The following CTNNBL1 variants were observed in gnomAD, a reference collection of about 807,000 sequenced individuals.
CTNNBL1 encodes the protein catenin beta like 1.
Under a neutral mutation model 72.7 loss-of-function variants are expected in CTNNBL1, and 31 were observed. The observed-to-expected ratio is 0.43, with a 90% CI of 0.32 to 0.58. The LOEUF (loss-of-function observed/expected upper bound fraction) is 0.58, where lower values mean the gene tolerates loss of function less well. CTNNBL1 is among the 20% of genes least tolerant of loss of function. The pLI, the probability that CTNNBL1 is intolerant of heterozygous loss-of-function variation, is 0.08. For missense variants in CTNNBL1, 534 were observed against 725.1 expected (o/e 0.74, Z 3.03); for synonymous variants, 240 against 267.3 (o/e 0.90, Z 1.00).
At chr20:37,796,275 C>T (rs975102744) in intron 10 of CTNNBL1, among the ~76,000 whole-genome samples, 4 of 152,120 alleles carry the variant, frequency 2.6e-5, no homozygotes, top group African/African-American at 9.7e-5. Flanking sequence ...GGGCCCTCTG[C>T]AGATCTCCGT....
intron 1 of CTNNBL1, chr20:37,727,429 A>G (rs2073094467): frequency 1.2e-6 from 1 of 816,798 alleles, no homozygotes; most frequent in African/African-American, 1.9e-5. Flanking sequence ...TATCCTAGAA[A>G]GGCTACCAGC....
At chr20:37,820,671 C>T (rs2072099194) in intron 11 of CTNNBL1, among the ~76,000 whole-genome samples, 2 of 152,274 alleles carry the variant, frequency 1.3e-5, no homozygotes, top group South Asian at 4.1e-4. Context: ...CACGCGCTCT[C>T]TCTGTCTCTC....
chr20:37,699,508 C>A (rs1023343331), intron 1 of CTNNBL1, among the ~76,000 whole-genome samples: 3 of 152,238 alleles, frequency 2.0e-5, no homozygotes, highest in Non-Finnish European at 4.4e-5. Context: ...ACCAGCTGAA[C>A]ACTCAGAGGT....
At chr20:37,785,050 A>T (rs1397706473) in intron 10 of CTNNBL1, among the ~76,000 whole-genome samples, 1 of 152,052 alleles carries the variant, frequency 6.6e-6, no homozygotes, top group African/African-American at 2.4e-5. Flanking sequence ...CACTTTAAAT[A>T]TGTCATGCCA....
intron 11 of CTNNBL1, among the ~76,000 whole-genome samples, chr20:37,806,398 G>A (rs975888096): frequency 7.9e-5 from 12 of 152,216 alleles, no homozygotes; most frequent in African/African-American, 2.4e-4. Flanking sequence ...GTAGAAAGGA[G>A]AGGTTTGTTG....
rs2122736052 is a variant in CTNNBL1 at position 37,802,939 on chromosome 20, C to A, written c.1104C>A (p.Asp368Glu). ...CCATGATTGGCCCCGAAGGCACAGACAACTGCCATAAGTTTGTTGACATTC... is the reference window on the plus strand; with the variant it reads ...CCATGATTGGCCCCGAAGGCACAGAAAACTGCCATAAGTTTGTTGACATTC... ...DHAMIGPEGTDNCHKFVDILG... is the reference protein window; with the variant it reads ...DHAMIGPEGTENCHKFVDILG... The change falls in exon 11 of 16, where the codon GAC becomes GAA. Residue 368 changes from aspartate (D) to glutamate (E), a missense_variant. By Grantham distance (45) the Asp-to-Glu change is conservative. Transcript: ENST00000361383. The A allele has an allele frequency of 1.9e-6, 3 of 1,613,900 alleles. No individual in the cohort carries two copies. In the East Asian group the frequency reaches 6.7e-5, roughly 36 times the overall value.
At chr20:37,805,788 C>T (rs1464524072) in intron 11 of CTNNBL1, among the ~76,000 whole-genome samples, 1 of 152,188 alleles carries the variant, frequency 6.6e-6, no homozygotes, top group Non-Finnish European at 1.5e-5. Flanking sequence ...CTCTTGGTCT[C>T]AGGACTCTGC....
At chr20:37,844,762 C>T (rs1436262809) in intron 13 of CTNNBL1, among the ~76,000 whole-genome samples, 8 of 152,032 alleles carry the variant, frequency 5.3e-5, no homozygotes, top group African/African-American at 1.9e-4. Flanking sequence ...GCCTGGCCGA[C>T]AAAGCAAAAC....
At chr20:37,729,887 A>G (rs2073115501) in intron 1 of CTNNBL1, among the ~76,000 whole-genome samples, 1 of 152,154 alleles carries the variant, frequency 6.6e-6, no homozygotes, top group African/African-American at 2.4e-5. Flanking sequence ...TTTTTAGGGT[A>G]GAGCAGTAAT....
chr20:37,697,121 TGCAGTGA>T (rs2072800182), intron 1 of CTNNBL1, among the ~76,000 whole-genome samples: 2 of 151,926 alleles, frequency 1.3e-5, no homozygotes, highest in African/African-American at 4.8e-5. Context: ...AGGTAGAGGT[TGCAGTGA>T]GCTGAGATCA....
chr20:37,774,603 G>A (rs1366158114), intron 7 of CTNNBL1, among the ~76,000 whole-genome samples: 1 of 152,220 alleles, frequency 6.6e-6, no homozygotes, highest in Non-Finnish European at 1.5e-5. Context: ...ACTCTTAGTA[G>A]TGTCTTACAG....
intron 5 of CTNNBL1, among the ~76,000 whole-genome samples, chr20:37,761,797 G>C (rs1485286373): frequency 6.6e-6 from 1 of 152,242 alleles, no homozygotes; most frequent in Non-Finnish European, 1.5e-5. Context: ...GGATTAAATA[G>C]TCAGGCAAGG....
At chr20:37,817,334 T>C (rs1600506584) in intron 11 of CTNNBL1, among the ~76,000 whole-genome samples, 2 of 152,354 alleles carry the variant, frequency 1.3e-5, no homozygotes, top group African/African-American at 4.8e-5. Flanking sequence ...ATGACCAGGA[T>C]TTTTTGTATT....
At chr20:37,859,605 G>GT (rs35433241) in intron 13 of CTNNBL1, among the ~76,000 whole-genome samples, 4,085 of 147,044 alleles carry the variant, frequency 0.028, 170 homozygotes, top group African/African-American at 0.093. Context: ...CCGTCAGCTT[G>GT]TTTTTTTTTT....
intron 1 of CTNNBL1, among the ~76,000 whole-genome samples, chr20:37,700,274 A>G (rs1341828196): frequency 6.6e-6 from 1 of 152,116 alleles, no homozygotes; most frequent in Non-Finnish European, 1.5e-5. Flanking sequence ...AAATTCAGAG[A>G]CTAAGATGGA....
intron 11 of CTNNBL1, among the ~76,000 whole-genome samples, chr20:37,819,943 C>T (rs1482866488): frequency 6.8e-6 from 1 of 146,034 alleles, no homozygotes; most frequent in African/African-American, 2.5e-5. Context: ...GGCATGATCT[C>T]GGCTCACTGC....
chr20:37,863,209 A>G (rs2072506752), intron 15 of CTNNBL1, among the ~76,000 whole-genome samples: 1 of 152,178 alleles, frequency 6.6e-6, no homozygotes, highest in Non-Finnish European at 1.5e-5. Flanking sequence ...AGCTGCCCTC[A>G]TGGAGTTTAC....
At chr20:37,773,706 T>A (rs1406225168) in intron 7 of CTNNBL1, among the ~76,000 whole-genome samples, 1 of 152,174 alleles carries the variant, frequency 6.6e-6, no homozygotes, top group Non-Finnish European at 1.5e-5. Context: ...AAGATTACTT[T>A]CCTTTCTTCC....
intron 11 of CTNNBL1, among the ~76,000 whole-genome samples, chr20:37,829,157 C>T (rs962751104): frequency 1.3e-5 from 2 of 152,174 alleles, no homozygotes; most frequent in African/African-American, 4.8e-5. Flanking sequence ...AAAGAGACCA[C>T]AGGCTGTAAT....
Sources: allele counts gnomAD v4.1 joint callset (sites outside exome capture counted in the v4.1 genomes callset), GRCh38; gene constraint gnomAD v4.1.1; transcripts MANE v1.5; gene names NCBI Gene and HGNC (gene_info 2026-07-23, HGNC 2026-07-21).